Variants in MAP3K2 observed in about 807,000 individuals in gnomAD.
MAP3K2 encodes mitogen-activated protein kinase kinase kinase 2.
Under a neutral mutation model 80.3 loss-of-function variants are expected in MAP3K2, and 24 were observed. The observed-to-expected ratio is 0.30, with a 90% CI of 0.22 to 0.42. MAP3K2 has a LOEUF of 0.42. Among genes scored for constraint, MAP3K2 ranks in the 10% least tolerant of loss-of-function variants. MAP3K2 has a pLI of 1.00. For synonymous variants in MAP3K2, 244 were observed against 253.7 expected (o/e 0.96, Z 0.36); for missense variants, 608 against 750.1 (o/e 0.81, Z 2.21).
intron 3 of MAP3K2, 101 bp downstream of exon 3, chr2:127,338,831 G>T: frequency 1.3e-6 from 1 of 762,924 alleles, no homozygotes; most frequent in Non-Finnish European, 2.1e-6. Context: ...CAAAATTCTT[G>T]ATTCGAAAGT....
At chr2:127,382,304 A>G (rs192480387) in intron 1 of MAP3K2, among the ~76,000 whole-genome samples, 2 of 152,330 alleles carry the variant, frequency 1.3e-5, no homozygotes, top group African/African-American at 4.8e-5. Flanking sequence ...TAATGTCCAT[A>G]GCTTAGTTTC....
chr2:127,361,399 G>C (rs1324537768), intron 1 of MAP3K2, among the ~76,000 whole-genome samples: 3 of 149,464 alleles, frequency 2.0e-5, no homozygotes, highest in African/African-American at 7.4e-5. Context: ...CAACAATATA[G>C]AGCCTCCCAG....
At chr2:127,338,652 A>C (rs1686419277) in intron 3 of MAP3K2, among the ~76,000 whole-genome samples, 1 of 152,156 alleles carries the variant, frequency 6.6e-6, no homozygotes, top group South Asian at 2.1e-4. Flanking sequence ...TGTTCCTGAA[A>C]GGACATGATT....
chr2:127,381,925 AG>A (rs962275037), intron 1 of MAP3K2, among the ~76,000 whole-genome samples: 5 of 52,786 alleles, frequency 9.5e-5, no homozygotes, highest in Admixed American at 3.6e-4. Context: ...TGACGGGGGG[AG>A]GGGGGTGGAA....
intron 1 of MAP3K2, among the ~76,000 whole-genome samples, chr2:127,374,238 G>A (rs749141670): frequency 2.2e-4 from 33 of 152,176 alleles, no homozygotes; most frequent in Admixed American, 5.9e-4. Flanking sequence ...ACTTTGAGAC[G>A]GCCTTCATTA....
rs1687396874 is a variant in MAP3K2, at chr2:127,387,719, T to C, written c.-333A>G. On this transcript the variant is annotated 5_prime_UTR_variant, in exon 1 of 17. Transcript: ENST00000682094. ...GGGTCCTCCTGGCGCTCCTCGGCACTTCTAGCCGCTGCAACCCCGAGGCCC... is the reference window on the plus strand; with the variant it reads ...GGGTCCTCCTGGCGCTCCTCGGCACCTCTAGCCGCTGCAACCCCGAGGCCC... 1 of 984,962 alleles carries C rather than the reference T, an allele frequency of 1.0e-6. No individual in the cohort carries two copies. The highest frequency in any genetic ancestry group is 1.2e-6 in the Non-Finnish European group (1 of 829,738). The allele number at this position is 984,962 out of a possible 1,614,324, so 61.0% of individuals were successfully genotyped here. A position where few individuals can be genotyped will look rare whatever the true frequency, so the allele number is the denominator to read the frequency against.
intron 1 of MAP3K2, among the ~76,000 whole-genome samples, chr2:127,349,759 C>T (rs1234718220): frequency 6.6e-6 from 1 of 152,142 alleles, no homozygotes; most frequent in Non-Finnish European, 1.5e-5. Context: ...AGCTGGAATA[C>T]AAAATTCTCC....
intron 7 of MAP3K2, among the ~76,000 whole-genome samples, chr2:127,329,700 C>T (rs1439674915): frequency 6.6e-6 from 1 of 152,124 alleles, no homozygotes; most frequent in African/African-American, 2.4e-5. Context: ...CATTAAAATA[C>T]CCTGAGTATA....
intron 1 of MAP3K2, among the ~76,000 whole-genome samples, chr2:127,373,316 T>C (rs1687097290): frequency 6.6e-6 from 1 of 152,230 alleles, no homozygotes; most frequent in Non-Finnish European, 1.5e-5. Context: ...GGTTTAATCA[T>C]AGCACCTGAA....
intron 5 of MAP3K2, among the ~76,000 whole-genome samples, chr2:127,331,781 T>A (rs1343454149): frequency 6.6e-6 from 1 of 152,202 alleles, no homozygotes. Context: ...AATTTTTGTA[T>A]TTTTAGCAGA....
At chr2:127,373,707 C>A (rs1277282496) in intron 1 of MAP3K2, among the ~76,000 whole-genome samples, 1 of 152,160 alleles carries the variant, frequency 6.6e-6, no homozygotes, top group Non-Finnish European at 1.5e-5. Context: ...GGGCCCAGAG[C>A]TATGCTTTCT....
chr2:127,385,290 G>C (rs531470032), intron 1 of MAP3K2, among the ~76,000 whole-genome samples: 68 of 152,204 alleles, frequency 4.5e-4, no homozygotes, highest in Non-Finnish European at 8.4e-4. Flanking sequence ...ATCCTTACTA[G>C]TCAGCAGCCA....
intron 7 of MAP3K2, among the ~76,000 whole-genome samples, chr2:127,327,521 C>T (rs1207755435): frequency 1.3e-5 from 2 of 149,862 alleles, no homozygotes; most frequent in African/African-American, 2.5e-5. Flanking sequence ...TATACCCGTG[C>T]TTACAAAAGA....
At chr2:127,323,232 A>C (rs1029701091) in intron 11 of MAP3K2, among the ~76,000 whole-genome samples, 3 of 151,668 alleles carry the variant, frequency 2.0e-5, no homozygotes, top group African/African-American at 7.3e-5. Flanking sequence ...GCAAAACCCC[A>C]TCTCTACTAA....
At position 127,326,807 on chromosome 2, in the gene MAP3K2, A is replaced by G; in HGVS notation, c.477T>C (p.Ser159=). ...KKRLSIIGPT[S]RDRSSPPPGY... is the part of the protein sequence containing the mutation. ...CTGGGGGAGGAGAACTTCTATCTCT[A>G]CTAGTAGGACCTCAAGGAAGAAAAA... Residue 159 remains serine, a synonymous_variant, in exon 8 of 17, where the codon AGT becomes AGC. Transcript: ENST00000682094. 6.4e-7 allele frequency: 1 copy of G among 1,572,858 alleles called. No individual in the cohort carries two copies. The highest frequency in any genetic ancestry group is 8.6e-7 in the Non-Finnish European group (1 of 1,160,836).
chr2:127,384,213 G>T (rs926526287), intron 1 of MAP3K2, among the ~76,000 whole-genome samples: 71 of 144,474 alleles, frequency 4.9e-4, no homozygotes, highest in African/African-American at 1.7e-3. Context: ...ATTTTTAATT[G>T]ATATATATAT....
chr2:127,356,278 G>A (rs946249066), intron 1 of MAP3K2, among the ~76,000 whole-genome samples: 1 of 151,962 alleles, frequency 6.6e-6, no homozygotes, highest in African/African-American at 2.4e-5. Flanking sequence ...ACTTTGATCC[G>A]ATTGATCAGA....
chr2:127,342,238 T>C (rs1166772630), intron 2 of MAP3K2, among the ~76,000 whole-genome samples: 1 of 152,200 alleles, frequency 6.6e-6, no homozygotes. Flanking sequence ...AAGGGGGCAC[T>C]GCTACTCATG....
chr2:127,387,960 C>T lies in MAP3K2; in HGVS notation c.-574G>A, dbSNP rs999322524. 31 of 984,598 alleles carry T rather than the reference C, an allele frequency of 3.1e-5. No individual in the cohort carries two copies. Among genetic ancestry groups the T allele is most frequent in the Non-Finnish European group, 3.7e-5 (31 of 829,706 alleles). 61.0% of individuals were successfully genotyped at this position (984,598 alleles called of 1,614,324 possible). On this transcript the variant is annotated 5_prime_UTR_variant, in exon 1 of 17. Transcript: ENST00000682094. ...AGGGCAGGCAGCCCGGCAGCCACTA[C>T]ACACGGACCCGTGACGTCGGGCGTA...
Sources: gnomAD v4.1 joint callset for allele counts (sites outside exome capture counted in the v4.1 genomes callset) on GRCh38, gnomAD v4.1.1 for gene constraint, MANE v1.5 for transcripts, NCBI Gene and HGNC (gene_info 2026-07-23, HGNC 2026-07-21) for gene names.